Variants in NBEA observed in about 807,000 individuals in gnomAD.
NBEA encodes the protein lysosomal-trafficking regulator 2.
In NBEA, 44 loss-of-function variants were observed where a neutral mutation model predicts 343.4. The ratio of observed to expected loss-of-function variants is 0.13; its 90% CI spans 0.10 to 0.16. The LOEUF is 0.16. Ranked by LOEUF, NBEA falls within the 10% of genes least tolerant of loss-of-function variation. The probability of loss-of-function intolerance (pLI) is 1.00; values close to 1 mark genes in which losing one functional copy is unlikely to be tolerated. For missense variants in NBEA, 2,555 were observed against 3,631.3 expected (o/e 0.70, Z 7.62); for synonymous variants, 1,175 against 1,238.7 (o/e 0.95, Z 1.08).
intron 1 of NBEA, among the ~76,000 whole-genome samples, chr13:34,952,422 G>A (rs1057177013): frequency 4.6e-5 from 7 of 152,202 alleles, no homozygotes; most frequent in African/African-American, 1.4e-4. Context: ...AATTGGTTAT[G>A]TGGTAAATGG....
chr13:35,185,506 T>C (rs2071634148), intron 30 of NBEA: 1 of 152,142 alleles, frequency 6.6e-6, no homozygotes, highest in Admixed American at 6.6e-5. Flanking sequence ...CAAACACATC[T>C]AGCTCTAAAC....
At chr13:35,436,431 C>T (rs2045439406) in intron 39 of NBEA, among the ~76,000 whole-genome samples, 1 of 152,170 alleles carries the variant, frequency 6.6e-6, no homozygotes, top group Admixed American at 6.5e-5. Flanking sequence ...ACTGTGAAGG[C>T]CGGGCGCAGT....
chr13:35,495,404 T>C (rs1326166699), intron 41 of NBEA, among the ~76,000 whole-genome samples: 1 of 152,036 alleles, frequency 6.6e-6, no homozygotes, highest in South Asian at 2.1e-4. Context: ...AAAAGAAATA[T>C]TAAATTATCC....
At chr13:35,351,784 T>C (rs1366866752) in intron 37 of NBEA, among the ~76,000 whole-genome samples, 3 of 152,038 alleles carry the variant, frequency 2.0e-5, no homozygotes, top group Non-Finnish European at 4.4e-5. Context: ...TTGATTCATA[T>C]GTAATTATCA....
intron 38 of NBEA, among the ~76,000 whole-genome samples, chr13:35,397,048 T>C (rs1239607404): frequency 6.6e-6 from 1 of 152,168 alleles, no homozygotes; most frequent in East Asian, 1.9e-4. Flanking sequence ...CTACCATTGT[T>C]TTCCTCACAC....
At chr13:35,166,653 T>A (rs761244927) in intron 24 of NBEA, among the ~76,000 whole-genome samples, 4 of 152,072 alleles carry the variant, frequency 2.6e-5, no homozygotes, top group Admixed American at 6.6e-5. Context: ...TAGCCGAACC[T>A]TTCTCCCATT....
chr13:35,347,262 A>G (rs1249548593), intron 36 of NBEA, among the ~76,000 whole-genome samples: 1 of 152,148 alleles, frequency 6.6e-6, no homozygotes, highest in Non-Finnish European at 1.5e-5. Flanking sequence ...AGAAATTAAA[A>G]CAAAGTTAAA....
chr13:35,019,422 C>T (rs140123273), intron 1 of NBEA, among the ~76,000 whole-genome samples: 25 of 151,816 alleles, frequency 1.6e-4, no homozygotes, highest in African/African-American at 5.1e-4. Context: ...CTCAGGCTCC[C>T]GAGTAGCTGG....
At chr13:35,604,835 A>G (rs2082217739) in intron 47 of NBEA, among the ~76,000 whole-genome samples, 1 of 151,972 alleles carries the variant, frequency 6.6e-6, no homozygotes, top group African/African-American at 2.4e-5. Context: ...TTTTCATCTT[A>G]GCCATGCTCC....
chr13:35,005,997 T>C (rs533122705), intron 1 of NBEA, among the ~76,000 whole-genome samples: 2 of 152,324 alleles, frequency 1.3e-5, no homozygotes, highest in Admixed American at 6.5e-5. Flanking sequence ...TCATTTCTTA[T>C]AAGCTGCATG....
At chr13:35,389,826 A>G (rs2042413030) in intron 38 of NBEA, among the ~76,000 whole-genome samples, 1 of 152,060 alleles carries the variant, frequency 6.6e-6, no homozygotes, top group South Asian at 2.1e-4. Flanking sequence ...CCTTTTATAA[A>G]TGGCTCAACT....
intron 40 of NBEA, among the ~76,000 whole-genome samples, chr13:35,454,798 C>T (rs1440918059): frequency 3.3e-5 from 5 of 151,776 alleles, no homozygotes. Flanking sequence ...AGGCAGAGCT[C>T]GCAGTGAGCC....
intron 33 of NBEA, among the ~76,000 whole-genome samples, chr13:35,214,849 T>C (rs1262588488): frequency 6.6e-6 from 1 of 151,800 alleles, no homozygotes; most frequent in African/African-American, 2.4e-5. Flanking sequence ...GTTTCTGATC[T>C]GTTTTGACTT....
At chr13:35,533,425 A>G (rs142120809) in intron 41 of NBEA, among the ~76,000 whole-genome samples, 160 of 152,252 alleles carry the variant, frequency 1.1e-3, no homozygotes, top group African/African-American at 3.8e-3. Flanking sequence ...AATACGTATA[A>G]TGAAAATTAT....
chr13:35,280,344 T>C (rs913672811), intron 34 of NBEA, among the ~76,000 whole-genome samples: 3 of 152,168 alleles, frequency 2.0e-5, no homozygotes. Flanking sequence ...ATGTTTAAAT[T>C]AATTTCAGCA....
chr13:35,223,505 T>C (rs1036771043), intron 33 of NBEA, among the ~76,000 whole-genome samples: 2 of 152,234 alleles, frequency 1.3e-5, no homozygotes, highest in African/African-American at 2.4e-5. Context: ...GTCATTCTTA[T>C]CTTTGTTCCT....
At chr13:35,397,021 C>T (rs1594475625) in intron 38 of NBEA, among the ~76,000 whole-genome samples, 1 of 152,276 alleles carries the variant, frequency 6.6e-6, no homozygotes, top group Non-Finnish European at 1.5e-5. Context: ...ACCTGCCTTT[C>T]AGCTTCCACT....
intron 41 of NBEA, among the ~76,000 whole-genome samples, chr13:35,542,562 A>G (rs547664305): frequency 6.6e-6 from 1 of 152,204 alleles, no homozygotes; most frequent in East Asian, 1.9e-4. Flanking sequence ...CTTCTACCAG[A>G]TATTTGAAGA....
chr13:34,963,506 G>A (rs2059724358), intron 1 of NBEA, among the ~76,000 whole-genome samples: 1 of 151,946 alleles, frequency 6.6e-6, no homozygotes, highest in Admixed American at 6.6e-5. Flanking sequence ...AATTTTTGGG[G>A]GGATACAGTG....
Sources: gnomAD v4.1 joint callset for allele counts (sites outside exome capture counted in the v4.1 genomes callset) on GRCh38, gnomAD v4.1.1 for gene constraint, MANE v1.5 for transcripts, NCBI Gene and HGNC (gene_info 2026-07-23, HGNC 2026-07-21) for gene names.